Variants in ING4 observed in about 807,000 individuals in gnomAD.
ING4 encodes the protein inhibitor of growth protein 4.
ING4 carries 28 observed loss-of-function variants against 33.1 expected under a neutral mutation model. The ratio of observed to expected loss-of-function variants is 0.85; its 90% confidence interval spans 0.63 to 1.16. The LOEUF is 1.16. ING4 is among the 50% of genes most tolerant of loss of function. The pLI is 0.00. For synonymous variants in ING4, 87 were observed against 104.4 expected, an observed-to-expected ratio of 0.83 and a Z score of 1.02; for missense variants, 247 against 314.7, an observed-to-expected ratio of 0.78 and a Z score of 1.63.
At chr12:6,659,741 A>T (rs1414775661) in intron 1 of ING4, among the ~76,000 whole-genome samples, 2 of 148,996 alleles carry the variant, frequency 1.3e-5, no homozygotes, top group Non-Finnish European at 3.0e-5. Context: ...TGCATCCAGG[A>T]GGTGGAGCTT....
chr12:6,652,538 CA>C, intron 5 of ING4, 120 bp from the exon 6 acceptor site: 1 of 1,375,740 alleles, frequency 7.3e-7, no homozygotes, highest in Non-Finnish European at 1.0e-6. Context: ...CAGCAGATAC[CA>C]AAATGATAAG....
At chr12:6,659,497 A>G (rs923409668) in intron 1 of ING4, among the ~76,000 whole-genome samples, 1 of 149,366 alleles carries the variant, frequency 6.7e-6, no homozygotes, top group Non-Finnish European at 1.5e-5. Context: ...ACAGAGTGCG[A>G]CTCCATCTCA....
chr12:6,662,978 C>T, intron 1 of ING4, 87 bp downstream of exon 1: 2 of 1,404,182 alleles, frequency 1.4e-6, no homozygotes, highest in Non-Finnish European at 2.0e-6. Context: ...ACCTTCTCGT[C>T]ACTGGAACTT....
At chr12:6,656,508 T>C (rs975549905) in intron 2 of ING4, 2 of 450,306 alleles carry the variant, frequency 4.4e-6, no homozygotes, top group African/African-American at 2.1e-5. Flanking sequence ...CACAGCATCT[T>C]TGAATTCTTG....
chr12:6,655,333 C>T (rs7964213), intron 2 of ING4, among the ~76,000 whole-genome samples: 11,311 of 152,274 alleles, frequency 0.074, 707 homozygotes, highest in African/African-American at 0.17. Context: ...CGTAAGCCAC[C>T]GCACCCGGCC....
Position 6,653,325 on chromosome 12 carries a change from T to C in ING4, c.181A>G (p.Lys61Glu), listed in dbSNP as rs760842387. The change falls in exon 3 of 8, where the codon AAA (lysine) becomes GAA (glutamate). Residue 61 changes from lysine to glutamate, a missense_variant. Transcript: ENST00000341550. ...SSARSLSSEE[K>E]LALLKQIQEA... ...TGGATCTGTTTGAGAAGGGCCAATT[T>C]TTCCTCGGAGCTCAGGCTGCGGGCA... 1 of 1,614,170 alleles carries C rather than the reference T, an allele frequency of 6.2e-7. No individual in the cohort carries two copies. The highest frequency in any genetic ancestry group is 8.5e-7 in the Non-Finnish European group (1 of 1,180,044).
chr12:6,662,794 G>A (rs1592338812), intron 1 of ING4, among the ~76,000 whole-genome samples: 1 of 152,036 alleles, frequency 6.6e-6, no homozygotes, highest in East Asian at 1.9e-4. Context: ...GGAGAATGGG[G>A]GCAGCAACTA....
At chr12:6,652,502 G>C in intron 5 of ING4, 84 bp from the exon 6 acceptor site, 1 of 1,481,982 alleles carries the variant, frequency 6.7e-7, no homozygotes, top group Non-Finnish European at 9.3e-7. Flanking sequence ...GGAGATCCTG[G>C]TAGGGCAAAT....
At chr12:6,655,798 G>C (rs1007104054) in intron 2 of ING4, 1 of 457,828 alleles carries the variant, frequency 2.2e-6, no homozygotes, top group Non-Finnish European at 4.4e-6. Flanking sequence ...CAAGACTACA[G>C]ATCCTTCAGT....
At chr12:6,654,010 A>G (rs941766785) in intron 2 of ING4, among the ~76,000 whole-genome samples, 1 of 151,644 alleles carries the variant, frequency 6.6e-6, no homozygotes, top group Non-Finnish European at 1.5e-5. Context: ...AATTTTTTCT[A>G]TTTTTTTGTA....
chr12:6,661,402 CTTTG>C (rs1949544386), intron 1 of ING4, among the ~76,000 whole-genome samples: 1 of 133,468 alleles, frequency 7.5e-6, no homozygotes. Flanking sequence ...GGCCACCAGC[CTTTG>C]TTTTTTTTTT....
intron 1 of ING4, among the ~76,000 whole-genome samples, chr12:6,661,951 A>G (rs993233423): frequency 2.4e-4 from 36 of 152,220 alleles, no homozygotes; most frequent in African/African-American, 8.7e-4. Context: ...CTCTATAAAA[A>G]TCATACTCTA....
At chr12:6,654,788 G>A (rs568437419) in intron 2 of ING4, among the ~76,000 whole-genome samples, 28 of 152,108 alleles carry the variant, frequency 1.8e-4, no homozygotes, top group Admixed American at 1.6e-3. Flanking sequence ...GCAGTGGCAC[G>A]ATCTTGGCTC....
chr12:6,656,567 T>C (rs1280869942), intron 2 of ING4, 160 bp downstream of exon 2: 1 of 587,158 alleles, frequency 1.7e-6, no homozygotes, highest in Non-Finnish European at 3.0e-6. Flanking sequence ...GACACAGAAA[T>C]GAGGATCATT....
At chr12:6,655,969 CCT>C in intron 2 of ING4, 1 of 450,100 alleles carries the variant, frequency 2.2e-6, no homozygotes, top group South Asian at 1.6e-5. Context: ...TTTTTTCTTT[CCT>C]CTTTCTTTTT....
Position 6,651,012 on chromosome 12 carries a change from C to G in ING4, c.*183G>C. On this transcript the variant is annotated 3_prime_UTR_variant, in exon 8 of 8. Transcript: ENST00000341550. ...GCACATACCGTTAGTGGCTGCGGCA[C>G]CCCTCCCTACCAGGGTCTGATGCAG... 1.5e-6 allele frequency: 1 copy of G among 673,606 alleles called. No individual in the cohort carries two copies. The highest frequency in any genetic ancestry group is 1.8e-5 in the South Asian group (1 of 55,288). 41.7% of individuals were successfully genotyped at this position (673,606 alleles called of 1,614,324 possible). A position where few individuals can be genotyped will look rare whatever the true frequency, so the allele number is the denominator to read the frequency against.
chr12:6,659,737 C>T (rs192858028), intron 1 of ING4, among the ~76,000 whole-genome samples: 1 of 150,860 alleles, frequency 6.6e-6, no homozygotes, highest in East Asian at 2.0e-4. Context: ...GGCGTGCATC[C>T]AGGAGGTGGA....
intron 1 of ING4, among the ~76,000 whole-genome samples, chr12:6,660,924 C>G (rs1411202343): frequency 1.3e-5 from 2 of 151,938 alleles, no homozygotes; most frequent in Non-Finnish European, 2.9e-5. Flanking sequence ...TCCCAAGTAG[C>G]TGGGATTACA....
At chr12:6,658,703 A>G (rs1164985855) in intron 1 of ING4, among the ~76,000 whole-genome samples, 1 of 152,068 alleles carries the variant, frequency 6.6e-6, no homozygotes, top group Non-Finnish European at 1.5e-5. Flanking sequence ...CAAAAACAAA[A>G]ACAAACACAA....
Sources: gnomAD v4.1 joint callset for allele counts (sites outside exome capture counted in the v4.1 genomes callset) on GRCh38, gnomAD v4.1.1 for gene constraint, MANE v1.5 for transcripts, NCBI Gene and HGNC (gene_info 2026-07-23, HGNC 2026-07-21) for gene names.